The following SCTR variants were observed in gnomAD, a reference collection of about 807,000 sequenced individuals.
SCTR encodes the protein secretin receptor.
A neutral mutation model predicts 60.8 loss-of-function variants in SCTR; 56 were observed. The ratio of observed to expected loss-of-function variants is 0.92; its 90% CI spans 0.74 to 1.15. The LOEUF (loss-of-function observed/expected upper bound fraction) is 1.15. Ranked by LOEUF, SCTR falls within the 50% of genes most tolerant of loss-of-function variation. SCTR has a pLI of 0.00. For missense variants in SCTR, 562 were observed against 550.4 expected (o/e 1.02, Z -0.21); for synonymous variants, 202 against 217.0 (o/e 0.93, Z 0.61).
At chr2:119,447,020 T>C in intron 10 of SCTR, 135 bp from the exon 11 acceptor site, 1 of 915,048 alleles carries the variant, frequency 1.1e-6, no homozygotes, top group South Asian at 5.2e-5. Flanking sequence ...AACTTTTTTG[T>C]TTTCATTTTT....
chr2:119,499,657 G>A (rs572880513), intron 1 of SCTR, among the ~76,000 whole-genome samples: 21 of 151,940 alleles, frequency 1.4e-4, no homozygotes, highest in East Asian at 9.6e-4. Context: ...GTAATTTATC[G>A]TATTAACAGC....
At chr2:119,447,729 G>A (rs1265217069) in intron 10 of SCTR, among the ~76,000 whole-genome samples, 4 of 152,022 alleles carry the variant, frequency 2.6e-5, no homozygotes, top group East Asian at 1.9e-4. Context: ...CCTCCACCAC[G>A]CCTGGCTAAT....
intron 7 of SCTR, among the ~76,000 whole-genome samples, chr2:119,456,117 G>A (rs891697117): frequency 2.0e-4 from 30 of 147,470 alleles, no homozygotes; most frequent in Admixed American, 6.2e-4. Flanking sequence ...CCAGGCTGGA[G>A]TGCAGTGGTC....
chr2:119,519,245 G>A (rs189150929), intron 1 of SCTR, among the ~76,000 whole-genome samples: 6 of 152,188 alleles, frequency 3.9e-5, no homozygotes, highest in Non-Finnish European at 7.4e-5. Context: ...AAAGTTCTGG[G>A]ATTACAGGCA....
At chr2:119,522,567 T>C (rs1679322235) in intron 1 of SCTR, among the ~76,000 whole-genome samples, 1 of 152,206 alleles carries the variant, frequency 6.6e-6, no homozygotes, top group Non-Finnish European at 1.5e-5. Context: ...CACTGAAGAC[T>C]TAAACCAAGT....
chr2:119,458,073 C>T (rs1029113003), intron 7 of SCTR, among the ~76,000 whole-genome samples: 1 of 151,510 alleles, frequency 6.6e-6, no homozygotes, highest in Non-Finnish European at 1.5e-5. Context: ...GCAGGAGGAT[C>T]ACTTGAGGCC....
chr2:119,497,372 G>C (rs548600265), intron 1 of SCTR, among the ~76,000 whole-genome samples: 46 of 150,094 alleles, frequency 3.1e-4, no homozygotes, highest in African/African-American at 1.0e-3. Flanking sequence ...CTAACTAAAA[G>C]AGAAGGCTTG....
At chr2:119,490,339 T>C (rs929572795) in intron 2 of SCTR, among the ~76,000 whole-genome samples, 4 of 152,190 alleles carry the variant, frequency 2.6e-5, no homozygotes, top group East Asian at 1.9e-4. Flanking sequence ...TCACAAACCC[T>C]CATGTTCCTC....
intron 1 of SCTR, among the ~76,000 whole-genome samples, chr2:119,505,490 AT>A (rs1310760979): frequency 2.0e-5 from 3 of 151,708 alleles, no homozygotes; most frequent in East Asian, 1.9e-4. Flanking sequence ...AGAAAAAAAA[AT>A]GTGGCACATA....
chr2:119,447,157 A>C (rs558165921), intron 10 of SCTR, among the ~76,000 whole-genome samples: 2 of 152,104 alleles, frequency 1.3e-5, no homozygotes, highest in African/African-American at 2.4e-5. Flanking sequence ...CGGTACCTAC[A>C]CCATTAACTT....
At chr2:119,450,020 G>C (rs1485268537) in intron 9 of SCTR, among the ~76,000 whole-genome samples, 1 of 145,374 alleles carries the variant, frequency 6.9e-6, no homozygotes, top group African/African-American at 2.6e-5. Flanking sequence ...GGGAGGGAAG[G>C]AAGGCAGGAA....
intron 1 of SCTR, among the ~76,000 whole-genome samples, chr2:119,503,121 T>G (rs1678608604): frequency 7.6e-6 from 1 of 131,250 alleles, no homozygotes; most frequent in African/African-American, 3.0e-5. Context: ...ATAGCGCCAG[T>G]GCACTCCAGC....
rs529796332 is a variant in SCTR at position 119,488,362 on chromosome 2, A to G, written c.193+6066T>C. On this transcript the variant is annotated intron_variant, in intron 2 of 12. Coordinates refer to ENST00000019103, the MANE Select transcript of SCTR (RefSeq NM_002980.3). ...GGGAGCCCTTTTCTTAAGCAGAGTA[A>G]GGTCCGGAAGAGAGGGGTATGGTCA... is the stretch of plus-strand genomic sequence containing the variant. Among the ~76,000 whole-genome samples the G allele has an allele frequency of 3.9e-3, 598 of 152,308 alleles. 8 individuals carry two copies. Among genetic ancestry groups the G allele is most frequent in the African/African-American group, 0.014 (577 of 41,558 alleles).
At position 119,464,134 on chromosome 2, in the gene SCTR, C is replaced by T. The variant is rs371345970; in HGVS notation, c.625G>A (p.Asp209Asn). ...LFSSDDVTYC[D>N]AHRAGCKLVM... is the part of the protein sequence containing the mutation. ...CCCAGACATATTACCCTGTGGGCAT[C>T]GCAGTAGGTGACATCATCTGAGGAG... The change falls in exon 6 of 13, where the codon GAT becomes AAT. Residue 209 changes from aspartate to asparagine, a missense_variant. Coordinates refer to ENST00000019103, the MANE Select transcript of SCTR (RefSeq NM_002980.3). 1.3e-5 allele frequency: 21 copies of T among 1,614,010 alleles called. No individual in the cohort carries two copies. In the South Asian group the frequency reaches 2.1e-4, roughly 16 times the overall value.
chr2:119,493,229 C>CAT (rs1245541315), intron 2 of SCTR, among the ~76,000 whole-genome samples: 1 of 152,222 alleles, frequency 6.6e-6, no homozygotes, highest in African/African-American at 2.4e-5. Context: ...TGCTGTAGAA[C>CAT]ATATCATCAC....
Position 119,467,976 on chromosome 2 carries a change from C to A in SCTR, c.406-2090G>T, listed in dbSNP as rs141502037. On this transcript the variant is annotated intron_variant, in intron 4 of 12. Coordinates refer to ENST00000019103, the MANE Select transcript of SCTR (RefSeq NM_002980.3). ...TTTTAAAAAGATTTATATGAAATTA[C>A]CTTTTGTGTAGATCCAAAATGATTG... Among the ~76,000 whole-genome samples, 1,126 of 152,250 alleles carry A rather than the reference C, an allele frequency of 7.4e-3. 6 individuals are homozygous for A. Among genetic ancestry groups the A allele is most frequent in the Non-Finnish European group, 0.013 (864 of 68,006 alleles).
intron 2 of SCTR, among the ~76,000 whole-genome samples, chr2:119,491,889 A>G (rs1678147026): frequency 6.6e-6 from 1 of 152,202 alleles, no homozygotes; most frequent in Non-Finnish European, 1.5e-5. Flanking sequence ...GCCCACTGCC[A>G]TCCTTCTCTT....
At chr2:119,482,660 G>T (rs914596330) in intron 2 of SCTR, among the ~76,000 whole-genome samples, 3 of 152,178 alleles carry the variant, frequency 2.0e-5, no homozygotes, top group Non-Finnish European at 4.4e-5. Flanking sequence ...GAGGCTGCCC[G>T]TCTACATTCC....
intron 1 of SCTR, among the ~76,000 whole-genome samples, chr2:119,508,114 C>G (rs1678809753): frequency 6.6e-6 from 1 of 152,170 alleles, no homozygotes; most frequent in Non-Finnish European, 1.5e-5. Context: ...AGATTAGATT[C>G]TAGCAATGGA....
Sources: gnomAD v4.1 joint callset for allele counts (sites outside exome capture counted in the v4.1 genomes callset) on GRCh38, gnomAD v4.1.1 for gene constraint, MANE v1.5 for transcripts, NCBI Gene and HGNC (gene_info 2026-07-23, HGNC 2026-07-21) for gene names.